Variants in AUTS2 observed in about 807,000 individuals in gnomAD.
AUTS2 encodes activator of transcription and developmental regulator AUTS2, also known as autism susceptibility gene 2 protein.
AUTS2 carries 17 observed loss-of-function variants against 112.4 expected under a neutral mutation model. The ratio of observed to expected loss-of-function variants is 0.15; its 90% confidence interval spans 0.10 to 0.23. AUTS2 has a LOEUF of 0.23. AUTS2 is among the 10% of genes least tolerant of loss of function. AUTS2 has a pLI of 1.00. For synonymous variants in AUTS2, 751 were observed against 702.7 expected (o/e 1.07, Z -1.09); for missense variants, 1,510 against 1,701.6 (o/e 0.89, Z 1.98).
At chr7:70,521,313 A>G (rs1321957238) in intron 5 of AUTS2, among the ~76,000 whole-genome samples, 1 of 152,184 alleles carries the variant, frequency 6.6e-6, no homozygotes, top group East Asian at 1.9e-4. Context: ...TGCCAAGAGG[A>G]AGAAAAATTG....
intron 1 of AUTS2, among the ~76,000 whole-genome samples, chr7:69,876,341 AAAAAAAAAATAT>A (rs1427870164): frequency 4.5e-5 from 4 of 89,264 alleles, no homozygotes; most frequent in South Asian, 7.6e-4. Flanking sequence ...AAAAAAAAAA[AAAAAAAAAATAT>A]ATATATATAT....
At chr7:70,555,044 A>G (rs1197321764) in intron 5 of AUTS2, among the ~76,000 whole-genome samples, 1 of 152,230 alleles carries the variant, frequency 6.6e-6, no homozygotes, top group Non-Finnish European at 1.5e-5. Flanking sequence ...GAATGCAGAG[A>G]TGGATAAAAT....
chr7:70,331,385 G>A (rs941066632), intron 4 of AUTS2, among the ~76,000 whole-genome samples: 5 of 152,066 alleles, frequency 3.3e-5, no homozygotes, highest in African/African-American at 1.2e-4. Flanking sequence ...TGTGGGTTCA[G>A]TGGTGATATC....
chr7:69,741,990 A>G (rs931560665), intron 1 of AUTS2, among the ~76,000 whole-genome samples: 2 of 152,014 alleles, frequency 1.3e-5, no homozygotes, highest in African/African-American at 4.8e-5. Flanking sequence ...TTGTAGAGAC[A>G]GGGTCTCCCT....
At position 70,607,583 on chromosome 7, in the gene AUTS2, C is replaced by G. The variant is rs142920622; in HGVS notation, c.691-90986C>G. 1.6e-3 allele frequency among the ~76,000 whole-genome samples: 237 copies of G among 152,258 alleles called. 5 individuals are homozygous for G. The highest frequency in any genetic ancestry group is 0.013 in the Admixed American group (194 of 15,300). ...GATTTCTACCTGTGAGCACGATTAC[C>G]AGATGTCCTTGATAGTGTGCAATGC... is the stretch of plus-strand genomic sequence containing the variant. On this transcript the variant is annotated intron_variant, in intron 5 of 18. Transcript: ENST00000342771.
chr7:70,215,730 G>A (rs933866562), intron 4 of AUTS2, among the ~76,000 whole-genome samples: 2 of 152,154 alleles, frequency 1.3e-5, no homozygotes, highest in Admixed American at 6.5e-5. Context: ...TCTGGCTTGA[G>A]CAGTTGTGTA....
intron 1 of AUTS2, among the ~76,000 whole-genome samples, chr7:69,830,073 A>G (rs1425127689): frequency 1.3e-5 from 2 of 152,210 alleles, no homozygotes; most frequent in Non-Finnish European, 2.9e-5. Flanking sequence ...GAATGAGATT[A>G]TGTCCTTTAC....
rs114242173 is a variant in AUTS2, at chr7:70,371,991, T to C, written c.661-63761T>C. 5.2e-3 allele frequency among the ~76,000 whole-genome samples: 794 copies of C among 152,290 alleles called. 9 individuals carry two copies. The highest frequency in any genetic ancestry group is 0.018 in the African/African-American group (762 of 41,572). Reference sequence around the variant, plus strand: ...GGGCCATTTTTGTCTTCTGTTAAAATTCTAGGTCTAGTCACAAAACTGGAA... The same window carrying C: ...GGGCCATTTTTGTCTTCTGTTAAAACTCTAGGTCTAGTCACAAAACTGGAA... On this transcript the variant is annotated intron_variant, in intron 4 of 18. Transcript: ENST00000342771.
At chr7:70,318,907 G>A (rs542151482) in intron 4 of AUTS2, among the ~76,000 whole-genome samples, 3 of 152,252 alleles carry the variant, frequency 2.0e-5, no homozygotes, top group African/African-American at 7.2e-5. Flanking sequence ...AAAAGGCACC[G>A]TGCCCATTGA....
chr7:70,703,916 A>G (rs771999608), intron 6 of AUTS2, among the ~76,000 whole-genome samples: 6 of 152,184 alleles, frequency 3.9e-5, no homozygotes, highest in African/African-American at 7.2e-5. Flanking sequence ...ACTTGATGCA[A>G]GAGACAAAGG....
At chr7:70,632,205 G>C (rs1185927757) in intron 5 of AUTS2, among the ~76,000 whole-genome samples, 2 of 151,996 alleles carry the variant, frequency 1.3e-5, no homozygotes, top group Non-Finnish European at 2.9e-5. Flanking sequence ...TACTTGAAAG[G>C]CATCAAGAGC....
intron 4 of AUTS2, among the ~76,000 whole-genome samples, chr7:70,324,645 G>C (rs908483563): frequency 1.3e-5 from 2 of 152,028 alleles, no homozygotes; most frequent in African/African-American, 2.4e-5. Flanking sequence ...ATAATTACAG[G>C]GTTGGCCTCC....
At chr7:70,384,018 G>C (rs577424675) in intron 4 of AUTS2, among the ~76,000 whole-genome samples, 1 of 152,240 alleles carries the variant, frequency 6.6e-6, no homozygotes. Flanking sequence ...GCCTATGCTA[G>C]TCCATTAGGG....
At chr7:70,174,204 AG>A (rs906340836) in intron 4 of AUTS2, among the ~76,000 whole-genome samples, 2 of 152,228 alleles carry the variant, frequency 1.3e-5, no homozygotes, top group Non-Finnish European at 2.9e-5. Flanking sequence ...GAGAAATTTT[AG>A]GAGTCTTGAT....
intron 2 of AUTS2, among the ~76,000 whole-genome samples, chr7:69,935,011 A>G (rs1231730164): frequency 6.6e-6 from 1 of 152,070 alleles, no homozygotes; most frequent in Non-Finnish European, 1.5e-5. Context: ...CTGAACCCTC[A>G]ATTTCTCTTA....
At chr7:70,259,282 A>T (rs1041543946) in intron 4 of AUTS2, among the ~76,000 whole-genome samples, 1 of 151,710 alleles carries the variant, frequency 6.6e-6, no homozygotes, top group Non-Finnish European at 1.5e-5. Context: ...TTCATTTCAT[A>T]CAAAAATCTA....
At chr7:70,208,234 A>T (rs897993853) in intron 4 of AUTS2, among the ~76,000 whole-genome samples, 1 of 152,190 alleles carries the variant, frequency 6.6e-6, no homozygotes, top group African/African-American at 2.4e-5. Context: ...CACATGGTGT[A>T]TTCAAAATAA....
At chr7:69,811,278 C>T (rs1790532516) in intron 1 of AUTS2, among the ~76,000 whole-genome samples, 1 of 151,980 alleles carries the variant, frequency 6.6e-6, no homozygotes, top group Non-Finnish European at 1.5e-5. Context: ...AGGTTTTCTT[C>T]TCTGTGATCT....
rs1808965507 is a variant in AUTS2, at chr7:70,694,620, G to T, written c.691-3949G>T. The T allele has an allele frequency of 6.7e-6, 1 of 148,352 alleles. No individual in the cohort carries two copies. The highest frequency in any genetic ancestry group is 1.5e-5 in the Non-Finnish European group (1 of 66,866). The allele number at this position is 148,352 out of a possible 1,614,324, so 9.2% of individuals were successfully genotyped here. On this transcript the variant is annotated intron_variant, in intron 5 of 18. Transcript: ENST00000342771. The surrounding 1 kb of genome is among the most constrained non-coding windows in gnomAD (Gnocchi z 4.1). ...GCGGCGGCTCAGGCCGCTCTTCTCCGCCTCGCCCTCCCGCCGGCCGGCCCG... is the reference window on the plus strand; with the variant it reads ...GCGGCGGCTCAGGCCGCTCTTCTCCTCCTCGCCCTCCCGCCGGCCGGCCCG...
Sources: gnomAD v4.1 joint callset for allele counts (sites outside exome capture counted in the v4.1 genomes callset) on GRCh38, gnomAD v4.1.1 for gene constraint, Gnocchi (gnomAD v3.1) non-coding constraint, MANE v1.5 for transcripts, NCBI Gene and HGNC (gene_info 2026-07-23, HGNC 2026-07-21) for gene names.